EIF2AK2: variants seen among roughly 807,000 people sequenced by gnomAD.
The protein encoded by EIF2AK2 is interferon-induced, double-stranded RNA-activated protein kinase.
In EIF2AK2, 40 loss-of-function variants were observed where a neutral mutation model predicts 70.5. That is an observed-to-expected ratio of 0.57 (90% CI 0.44 to 0.74). The LOEUF (loss-of-function observed/expected upper bound fraction) is 0.74, where lower values mean the gene tolerates loss of function less well. EIF2AK2 is among the 30% of genes least tolerant of loss of function. The pLI, the probability that EIF2AK2 is intolerant of heterozygous loss-of-function variation, is 0.00. For synonymous variants in EIF2AK2, 198 were observed against 220.9 expected (o/e 0.90, Z 0.92); for missense variants, 555 against 644.3 (o/e 0.86, Z 1.50).
intron 14 of EIF2AK2, among the ~76,000 whole-genome samples, chr2:37,111,750 G>T (rs1259829790): frequency 6.7e-6 from 1 of 148,464 alleles, no homozygotes; most frequent in African/African-American, 2.5e-5. Context: ...TCCTGCTACT[G>T]AGGGGGCTGA....
chr2:37,122,264 G>A (rs1377482477), intron 12 of EIF2AK2, among the ~76,000 whole-genome samples: 6 of 152,238 alleles, frequency 3.9e-5, no homozygotes, highest in Non-Finnish European at 8.8e-5. Flanking sequence ...AGCTGAACCT[G>A]AGATTTTGCA....
chr2:37,151,699 C>T (rs1019472610), intron 1 of EIF2AK2, among the ~76,000 whole-genome samples: 1 of 152,132 alleles, frequency 6.6e-6, no homozygotes, highest in Non-Finnish European at 1.5e-5. Context: ...TGTCCATCAA[C>T]GGATAAATGG....
intron 12 of EIF2AK2, 131 bp from the exon 13 acceptor site, chr2:37,120,270 C>T (rs1674490829): frequency 5.3e-6 from 3 of 570,854 alleles, no homozygotes; most frequent in Non-Finnish European, 7.4e-6. Context: ...ACCCCAAAAA[C>T]ACTTTGGGAG....
chr2:37,140,879 TTCTTTC>T (rs141009036), intron 5 of EIF2AK2, among the ~76,000 whole-genome samples: 11,026 of 152,228 alleles, frequency 0.072, 736 homozygotes, highest in African/African-American at 0.18. Context: ...ATTTTTTTTC[TTCTTTC>T]TCTTTAACTG....
chr2:37,138,452 G>C, intron 7 of EIF2AK2, 57 bp downstream of exon 7: 1 of 1,603,386 alleles, frequency 6.2e-7, no homozygotes, highest in Non-Finnish European at 8.5e-7. Context: ...ATAAAAATCT[G>C]TCTTTCAGAC....
rs543042154 is a variant in EIF2AK2, at chr2:37,124,281, G to A, written c.909-1617C>T. ...CTGCACCCAGCCAGTCATTTTTTTT[G>A]AGAAGAGTCTTGCTTTGTCGCCCAG... On this transcript the variant is annotated intron_variant, in intron 11 of 16. Transcript: ENST00000233057. Among the ~76,000 whole-genome samples, 81 of 151,290 alleles carry A rather than the reference G, an allele frequency of 5.4e-4. No individual in the cohort carries two copies. In the South Asian group the frequency reaches 0.015, roughly 29 times the overall value.
At chr2:37,130,071 C>T (rs1674886426) in intron 10 of EIF2AK2, among the ~76,000 whole-genome samples, 1 of 151,922 alleles carries the variant, frequency 6.6e-6, no homozygotes, top group Non-Finnish European at 1.5e-5. Flanking sequence ...TCAAGTCCAT[C>T]ATCTCCCAAC....
At chr2:37,136,356 T>G (rs975381868) in intron 9 of EIF2AK2, among the ~76,000 whole-genome samples, 1 of 152,222 alleles carries the variant, frequency 6.6e-6, no homozygotes, top group Non-Finnish European at 1.5e-5. Context: ...TCAAGTCATG[T>G]CCACTCTTCC....
intron 1 of EIF2AK2, among the ~76,000 whole-genome samples, chr2:37,149,922 A>T (rs1483512900): frequency 6.6e-6 from 1 of 152,194 alleles, no homozygotes; most frequent in Non-Finnish European, 1.5e-5. Context: ...CAATCGAAAG[A>T]ACTGGCCAAC....
chr2:37,110,708 C>A lies in EIF2AK2; in HGVS notation c.1378-1413G>T, dbSNP rs373766313. 5.3e-5 allele frequency among the ~76,000 whole-genome samples: 8 copies of A among 152,094 alleles called. No individual in the cohort carries two copies. In the East Asian group the frequency reaches 1.5e-3, roughly 29 times the overall value. The stretch of plus-strand genomic sequence containing the variant: ...AAAGCTGTATTGTCAGCAAAATAAT[C>A]TTTAACGGGCATTTACAAATCAGAA... On this transcript the variant is annotated intron_variant, in intron 14 of 16. Transcript: ENST00000233057.
intron 12 of EIF2AK2, among the ~76,000 whole-genome samples, chr2:37,121,285 A>AC (rs1674540975): frequency 2.8e-5 from 4 of 142,194 alleles, no homozygotes; most frequent in Non-Finnish European, 6.2e-5. Flanking sequence ...AAAAAAAAAA[A>AC]CGAGAAGAAA....
At chr2:37,154,017 C>A (rs898743324) in intron 1 of EIF2AK2, among the ~76,000 whole-genome samples, 1 of 152,184 alleles carries the variant, frequency 6.6e-6, no homozygotes, top group South Asian at 2.1e-4. Context: ...ACAGCCACAT[C>A]ATGATCTTTT....
At position 37,103,742 on chromosome 2, in the gene EIF2AK2, T is replaced by A. The variant is rs1017947425; in HGVS notation, c.*3531A>T. Reference sequence around the variant, plus strand: ...GTACAATGGCTAATATTTTGCCACATGTGTGCCCTCTTTCTCTCTCCATGT... The same window carrying A: ...GTACAATGGCTAATATTTTGCCACAAGTGTGCCCTCTTTCTCTCTCCATGT... On this transcript the variant is annotated 3_prime_UTR_variant, in exon 17 of 17. Coordinates refer to ENST00000233057, the MANE Select transcript of EIF2AK2 (RefSeq NM_001135651.3). 6.6e-6 allele frequency: 1 copy of A among 152,226 alleles called. No individual in the cohort carries two copies. The highest frequency in any genetic ancestry group is 1.5e-5 in the Non-Finnish European group (1 of 68,040). 9.4% of individuals were successfully genotyped at this position (152,226 alleles called of 1,614,324 possible).
chr2:37,100,812 T>C lies in EIF2AK2; in HGVS notation c.*6461A>G, dbSNP rs1349777417. 3 of 152,196 alleles carry C rather than the reference T, an allele frequency of 2.0e-5. No homozygotes were observed. The highest frequency in any genetic ancestry group is 4.4e-5 in the Non-Finnish European group (3 of 68,050). The allele number at this position is 152,196 out of a possible 1,614,324, so 9.4% of individuals were successfully genotyped here. On this transcript the variant is annotated 3_prime_UTR_variant, in exon 17 of 17. Transcript: ENST00000233057. ...TCAACGTCTTTCCTCCCAAACATGC[T>C]CTACCTCACCATGTCGATAGATGTA...
chr2:37,131,909 C>G (rs772509700), intron 10 of EIF2AK2, among the ~76,000 whole-genome samples: 1 of 152,120 alleles, frequency 6.6e-6, no homozygotes, highest in Non-Finnish European at 1.5e-5. Flanking sequence ...TTAATATATA[C>G]CACCAATTCT....
chr2:37,156,135 G>C (rs938223237), intron 1 of EIF2AK2, among the ~76,000 whole-genome samples: 2 of 152,122 alleles, frequency 1.3e-5, no homozygotes, highest in Non-Finnish European at 2.9e-5. Flanking sequence ...TCCCCATGCA[G>C]TTATCTGGGG....
chr2:37,103,765 T>C lies in EIF2AK2; in HGVS notation c.*3508A>G, dbSNP rs1673886301. On this transcript the variant is annotated 3_prime_UTR_variant, in exon 17 of 17. Transcript: ENST00000233057. Reference sequence around the variant, plus strand: ...CATGTGTGCCCTCTTTCTCTCTCCATGTTGATTTTTGCTGAACATTGAAAG... The same window carrying C: ...CATGTGTGCCCTCTTTCTCTCTCCACGTTGATTTTTGCTGAACATTGAAAG... 1 of 152,232 alleles carries C rather than the reference T, an allele frequency of 6.6e-6. No homozygotes were observed. Among genetic ancestry groups the C allele is most frequent in the Admixed American group, 6.5e-5 (1 of 15,276 alleles). The allele number at this position is 152,232 out of a possible 1,614,324, so 9.4% of individuals were successfully genotyped here. A position where few individuals can be genotyped will look rare whatever the true frequency, so the allele number is the denominator to read the frequency against.
chr2:37,112,566 A>G (rs1415082661), intron 14 of EIF2AK2, among the ~76,000 whole-genome samples: 7 of 152,242 alleles, frequency 4.6e-5, no homozygotes, highest in Admixed American at 4.6e-4. Flanking sequence ...GCATTTTTAA[A>G]TTGAAGAATA....
At chr2:37,141,832 A>G (rs1425214749) in intron 4 of EIF2AK2, 131 bp from the exon 5 acceptor site, 2 of 1,006,186 alleles carry the variant, frequency 2.0e-6, no homozygotes, top group Non-Finnish European at 2.8e-6. Context: ...TTTTCCTATT[A>G]TATTACCTTG....
Sources: allele counts gnomAD v4.1 joint callset (sites outside exome capture counted in the v4.1 genomes callset), GRCh38; gene constraint gnomAD v4.1.1; transcripts MANE v1.5; gene names NCBI Gene and HGNC (gene_info 2026-07-23, HGNC 2026-07-21).